The following SGCZ variants were observed in gnomAD, a reference collection of about 807,000 sequenced individuals.
SGCZ encodes zeta-sarcoglycan.
Under a neutral mutation model 41.3 loss-of-function variants are expected in SGCZ, and 40 were observed. The observed-to-expected ratio is 0.97, with a 90% CI of 0.75 to 1.26. The LOEUF is 1.26. Among genes scored for constraint, SGCZ ranks in the 50% most tolerant of loss-of-function variants. The pLI is 0.00. For synonymous variants in SGCZ, 206 were observed against 137.5 expected, an observed-to-expected ratio of 1.50 and a Z score of -3.49; for missense variants, 552 against 369.8, an observed-to-expected ratio of 1.49 and a Z score of -4.04.
chr8:14,284,464 C>T (rs554920485), intron 3 of SGCZ, among the ~76,000 whole-genome samples: 1 of 152,330 alleles, frequency 6.6e-6, no homozygotes, highest in East Asian at 1.9e-4. Context: ...TGGATGTGCA[C>T]ATATATCTAG....
intron 3 of SGCZ, among the ~76,000 whole-genome samples, chr8:14,283,793 AGCCATAGG>A (rs1800529435): frequency 6.6e-6 from 1 of 152,228 alleles, no homozygotes; most frequent in South Asian, 2.1e-4. Context: ...GCACAACAGC[AGCCATAGG>A]CAGTGCCATC....
intron 1 of SGCZ, among the ~76,000 whole-genome samples, chr8:14,611,887 CCATTGCAGTACATATGCT>C (rs1789013029): frequency 1.3e-5 from 2 of 152,112 alleles, no homozygotes; most frequent in Non-Finnish European, 2.9e-5. Context: ...CACTCATGAG[CCATTGCAGTACATATGCT>C]ATTTGCACTG....
intron 5 of SGCZ, among the ~76,000 whole-genome samples, chr8:14,149,442 A>C (rs1803627257): frequency 6.6e-6 from 1 of 152,094 alleles, no homozygotes; most frequent in Non-Finnish European, 1.5e-5. Context: ...ACATAAAATT[A>C]ATTACCTAGG....
intron 1 of SGCZ, among the ~76,000 whole-genome samples, chr8:14,832,188 T>C (rs1333212726): frequency 6.6e-6 from 1 of 152,206 alleles, no homozygotes; most frequent in Non-Finnish European, 1.5e-5. Context: ...AATTCTTTTA[T>C]TTAGAAGGAT....
At chr8:14,745,710 T>A (rs1032119353) in intron 1 of SGCZ, among the ~76,000 whole-genome samples, 4 of 152,064 alleles carry the variant, frequency 2.6e-5, no homozygotes, top group African/African-American at 9.7e-5. Context: ...ATATATGGTA[T>A]GAAATTTAAC....
intron 1 of SGCZ, among the ~76,000 whole-genome samples, chr8:14,571,032 G>A (rs1481688973): frequency 6.6e-6 from 1 of 152,154 alleles, no homozygotes; most frequent in Non-Finnish European, 1.5e-5. Flanking sequence ...TTTTCGCACT[G>A]CTATAAAGAA....
intron 2 of SGCZ, among the ~76,000 whole-genome samples, chr8:14,516,322 C>G (rs1040405013): frequency 2.6e-5 from 4 of 151,924 alleles, no homozygotes; most frequent in African/African-American, 9.7e-5. Flanking sequence ...CAAGGAGGAC[C>G]TGTGTCTGTT....
At chr8:14,837,737 T>C (rs189180286) in intron 1 of SGCZ, among the ~76,000 whole-genome samples, 1 of 148,914 alleles carries the variant, frequency 6.7e-6, no homozygotes, top group Admixed American at 7.0e-5. Flanking sequence ...ATGGGATGGG[T>C]TTTTTTGTGA....
chr8:14,863,881 A>T (rs538647532), intron 1 of SGCZ, among the ~76,000 whole-genome samples: 1 of 152,240 alleles, frequency 6.6e-6, no homozygotes, highest in South Asian at 2.1e-4. Flanking sequence ...GAGGGCTGTG[A>T]TCTCTCTTTA....
At chr8:14,539,759 A>G (rs1289951132) in intron 2 of SGCZ, among the ~76,000 whole-genome samples, 1 of 151,826 alleles carries the variant, frequency 6.6e-6, no homozygotes, top group Admixed American at 6.6e-5. Flanking sequence ...ATGTGTTCAC[A>G]TGATTTAGCT....
At chr8:14,274,792 C>T (rs1265171349) in intron 3 of SGCZ, among the ~76,000 whole-genome samples, 5 of 151,718 alleles carry the variant, frequency 3.3e-5, no homozygotes, top group Non-Finnish European at 7.4e-5. Flanking sequence ...AAATAAGAAA[C>T]ACTATTATCA....
chr8:14,145,733 A>G (rs1004416414), intron 5 of SGCZ, among the ~76,000 whole-genome samples: 1 of 152,208 alleles, frequency 6.6e-6, no homozygotes, highest in African/African-American at 2.4e-5. Flanking sequence ...AATGCTACCC[A>G]ATAAATTTAT....
chr8:14,172,490 C>G (rs530975968), intron 4 of SGCZ, among the ~76,000 whole-genome samples: 1 of 152,094 alleles, frequency 6.6e-6, no homozygotes, highest in Admixed American at 6.6e-5. Flanking sequence ...GCACGAACGG[C>G]GCCATGCCTC....
intron 1 of SGCZ, among the ~76,000 whole-genome samples, chr8:14,941,231 T>C (rs942165488): frequency 4.6e-5 from 7 of 152,102 alleles, no homozygotes; most frequent in Non-Finnish European, 7.4e-5. Flanking sequence ...AGTTTTATCA[T>C]AGTAATACCA....
At chr8:15,012,924 C>T (rs951466206) in intron 1 of SGCZ, among the ~76,000 whole-genome samples, 1 of 151,020 alleles carries the variant, frequency 6.6e-6, no homozygotes, top group Non-Finnish European at 1.5e-5. Context: ...TTCTCATGTA[C>T]TGGTGAATGA....
At chr8:15,089,436 G>T (rs1444723386) in intron 1 of SGCZ, among the ~76,000 whole-genome samples, 1 of 151,984 alleles carries the variant, frequency 6.6e-6, no homozygotes, top group East Asian at 1.9e-4. Context: ...TCTGAAGGCT[G>T]CTGTACAGTA....
intron 1 of SGCZ, among the ~76,000 whole-genome samples, chr8:15,114,123 A>G (rs149087115): frequency 5.9e-5 from 9 of 152,166 alleles, no homozygotes; most frequent in African/African-American, 2.2e-4. Context: ...TGTAACCCTC[A>G]TCTAATCTGT....
chr8:14,723,953 G>A (rs1809972286), intron 1 of SGCZ, among the ~76,000 whole-genome samples: 1 of 152,024 alleles, frequency 6.6e-6, no homozygotes, highest in Admixed American at 6.6e-5. Context: ...ATAATGATGA[G>A]TTCTGACCAC....
chr8:14,652,359 G>GGGT (rs1807433381), intron 1 of SGCZ, among the ~76,000 whole-genome samples: 1 of 114,582 alleles, frequency 8.7e-6, no homozygotes, highest in Non-Finnish European at 1.7e-5. Context: ...GGGGGGTGTG[G>GGGT]GGGGGAGAAA....
Sources: gnomAD v4.1 joint callset for allele counts (sites outside exome capture counted in the v4.1 genomes callset) on GRCh38, gnomAD v4.1.1 for gene constraint, MANE v1.5 for transcripts, NCBI Gene and HGNC (gene_info 2026-07-23, HGNC 2026-07-21) for gene names.